The following MLXIP variants were observed in gnomAD, a reference collection of about 807,000 sequenced individuals.
MLXIP encodes MLX interacting protein.
In MLXIP, 30 loss-of-function variants were observed where a neutral mutation model predicts 87.2. The ratio of observed to expected loss-of-function variants is 0.34; its 90% CI spans 0.26 to 0.47. The LOEUF (loss-of-function observed/expected upper bound fraction) is 0.47. Among genes scored for constraint, MLXIP ranks in the 20% least tolerant of loss-of-function variants. The pLI is 1.00. For synonymous variants in MLXIP, 530 were observed against 514.0 expected (o/e 1.03, Z -0.42); for missense variants, 1,002 against 1,240.1 (o/e 0.81, Z 2.88).
intron 1 of MLXIP, among the ~76,000 whole-genome samples, chr12:122,093,771 G>T (rs1233765246): frequency 7.0e-6 from 1 of 142,720 alleles, no homozygotes; most frequent in South Asian, 2.3e-4. Context: ...TGTGTGTGTG[G>T]TGTGTGTATT....
At chr12:122,110,449 G>A (rs912617505) in intron 1 of MLXIP, among the ~76,000 whole-genome samples, 19 of 151,780 alleles carry the variant, frequency 1.3e-4, no homozygotes, top group South Asian at 8.3e-4. Flanking sequence ...CACCACGCCC[G>A]GCTAATTTTG....
chr12:122,129,289 G>A (rs1197705266), intron 4 of MLXIP, 63 bp downstream of exon 4: 1 of 1,444,874 alleles, frequency 6.9e-7, no homozygotes, highest in Non-Finnish European at 9.5e-7. Context: ...CCCTGGTTCA[G>A]GGCCCTGGCC....
At chr12:122,092,993 GTT>G (rs1952270125) in intron 1 of MLXIP, among the ~76,000 whole-genome samples, 5 of 148,380 alleles carry the variant, frequency 3.4e-5, no homozygotes, top group Non-Finnish European at 4.5e-5. Context: ...TGTTGTGTGT[GTT>G]GTGTGTATGT....
In MLXIP at chr12:122,084,365, T is replaced by A. The variant is rs922027708; in HGVS notation, c.413+5099T>A. 9.2e-5 allele frequency among the ~76,000 whole-genome samples: 14 copies of A among 152,270 alleles called. No individual in the cohort carries two copies. The South Asian group carries it at 1.7e-3, about 18-fold the overall frequency. ...ACTTCCATTGCTTGTAGACGCTGGT[T>A]GGTTCATTGCCCACATGCTGGAAGG... On this transcript the variant is annotated intron_variant, in intron 1 of 16. Transcript: ENST00000319080.
At chr12:122,128,097 A>G in intron 3 of MLXIP, 129 bp downstream of exon 3, 1 of 786,350 alleles carries the variant, frequency 1.3e-6, no homozygotes, top group Non-Finnish European at 2.1e-6. Context: ...TGCGCCATCC[A>G]TGCCCTGGGG....
At chr12:122,121,013 T>TTTTTTTC (rs1555231004) in intron 1 of MLXIP, among the ~76,000 whole-genome samples, 1 of 92,314 alleles carries the variant, frequency 1.1e-5, no homozygotes, top group Admixed American at 1.1e-4. Flanking sequence ...ATGCTTGGTT[T>TTTTTTTC]TTTTTTTTTT....
intron 1 of MLXIP, among the ~76,000 whole-genome samples, chr12:122,085,211 C>A (rs1200568492): frequency 6.6e-6 from 1 of 152,078 alleles, no homozygotes; most frequent in African/African-American, 2.4e-5. Flanking sequence ...ACATCGCATC[C>A]CCCTGGAAGG....
chr12:122,099,898 A>G (rs1432829972), intron 1 of MLXIP, among the ~76,000 whole-genome samples: 1 of 152,168 alleles, frequency 6.6e-6, no homozygotes, highest in African/African-American at 2.4e-5. Context: ...GAAGATGGAG[A>G]CTACATTTCC....
chr12:122,102,476 C>T (rs1193783531), intron 1 of MLXIP, among the ~76,000 whole-genome samples: 1 of 152,144 alleles, frequency 6.6e-6, no homozygotes, highest in Non-Finnish European at 1.5e-5. Flanking sequence ...TACAATGGTG[C>T]AGCTGCTGTG....
intron 1 of MLXIP, among the ~76,000 whole-genome samples, chr12:122,079,582 C>G (rs1011696790): frequency 6.6e-6 from 1 of 152,256 alleles, no homozygotes; most frequent in Non-Finnish European, 1.5e-5. Flanking sequence ...TGTTACCCGA[C>G]TCTATCGACT....
At chr12:122,101,598 T>TC (rs1952439019) in intron 1 of MLXIP, among the ~76,000 whole-genome samples, 1 of 147,088 alleles carries the variant, frequency 6.8e-6, no homozygotes, top group Non-Finnish European at 1.5e-5. Flanking sequence ...TTTTTTTTTT[T>TC]GAGACGGAGT....
chr12:122,121,010 G>GTTTTTGTTTTTTTT (rs1952771839), intron 1 of MLXIP, among the ~76,000 whole-genome samples: 1 of 111,910 alleles, frequency 8.9e-6, no homozygotes, highest in Non-Finnish European at 1.7e-5. Context: ...TGCATGCTTG[G>GTTTTTGTTTTTTTT]TTTTTTTTTT....
chr12:122,079,273 A>AC lies in MLXIP; in HGVS notation c.413+12dup. On this transcript the variant is annotated splice_region_variant and intron_variant, in intron 1 of 16. Transcript: ENST00000319080. The stretch of plus-strand genomic sequence containing the variant: ...GCATGACTTTGGCCTACAGGTAGGG[A>AC]CCCCCGCGACCCCCTGAGGCCCCGG... 6.5e-7 allele frequency: 1 copy of AC among 1,547,196 alleles called. No homozygotes were observed. The highest frequency in any genetic ancestry group is 8.7e-7 in the Non-Finnish European group (1 of 1,144,978).
intron 1 of MLXIP, among the ~76,000 whole-genome samples, chr12:122,103,223 T>G (rs796695452): frequency 0.15 from 8,147 of 55,126 alleles, 713 homozygotes; most frequent in African/African-American, 0.34. Flanking sequence ...ATTTATTTAT[T>G]TATTTATTTA....
chr12:122,094,860 A>G (rs1437264293), intron 1 of MLXIP, among the ~76,000 whole-genome samples: 7 of 95,872 alleles, frequency 7.3e-5, no homozygotes, highest in African/African-American at 1.7e-4. Flanking sequence ...CAGTGTTTCT[A>G]TGGTGTGGTG....
intron 5 of MLXIP, 71 bp downstream of exon 5, chr12:122,129,700 G>T (rs1952941075): frequency 1.3e-6 from 2 of 1,575,894 alleles, no homozygotes; most frequent in Admixed American, 1.8e-5. Context: ...TGGCCCACCA[G>T]GGAGCCCTGC....
At chr12:122,115,666 A>T (rs997432077) in intron 1 of MLXIP, among the ~76,000 whole-genome samples, 2 of 152,002 alleles carry the variant, frequency 1.3e-5, no homozygotes, top group Admixed American at 6.6e-5. Flanking sequence ...CCATAAAAAC[A>T]AGTAAAAGAC....
chr12:122,091,899 G>T (rs985362497), intron 1 of MLXIP, among the ~76,000 whole-genome samples: 2 of 152,262 alleles, frequency 1.3e-5, no homozygotes, highest in Non-Finnish European at 2.9e-5. Flanking sequence ...AAAAACTGGA[G>T]GAAATCTGGA....
At chr12:122,100,564 A>C (rs763597844) in intron 1 of MLXIP, among the ~76,000 whole-genome samples, 2 of 152,200 alleles carry the variant, frequency 1.3e-5, no homozygotes, top group Admixed American at 6.5e-5. Flanking sequence ...TTTCATTGTT[A>C]AGGTATATTG....
Sources: allele counts gnomAD v4.1 joint callset (sites outside exome capture counted in the v4.1 genomes callset), GRCh38; gene constraint gnomAD v4.1.1; transcripts MANE v1.5; gene names NCBI Gene and HGNC (gene_info 2026-07-23, HGNC 2026-07-21).